SHISA9: variants seen among roughly 807,000 people sequenced by gnomAD.
SHISA9 encodes shisa family member 9.
Under a neutral mutation model 38.0 loss-of-function variants are expected in SHISA9, and 13 were observed. That is an observed-to-expected ratio of 0.34 (90% CI 0.22 to 0.54). SHISA9 has a LOEUF of 0.54. Among genes scored for constraint, SHISA9 ranks in the 20% least tolerant of loss-of-function variants. SHISA9 has a pLI of 0.91. For synonymous variants in SHISA9, 275 were observed against 242.0 expected, an observed-to-expected ratio of 1.14 and a Z score of -1.27; for missense variants, 538 against 575.8, an observed-to-expected ratio of 0.93 and a Z score of 0.67.
intron 2 of SHISA9, among the ~76,000 whole-genome samples, chr16:12,926,679 C>T (rs1362827818): frequency 1.3e-5 from 2 of 152,118 alleles, no homozygotes; most frequent in Non-Finnish European, 2.9e-5. Flanking sequence ...TAAATAGTGC[C>T]TGGTAACATT....
intron 2 of SHISA9, among the ~76,000 whole-genome samples, chr16:13,181,267 TTATATATATATATATATA>T (rs1156705123): frequency 0.033 from 2,666 of 80,028 alleles, 67 homozygotes; most frequent in Middle Eastern, 0.073. Context: ...AAATAAAATT[TTATATATATATATATATA>T]TATATATATA....
At chr16:13,074,853 G>A (rs1295019364) in intron 2 of SHISA9, among the ~76,000 whole-genome samples, 1 of 151,774 alleles carries the variant, frequency 6.6e-6, no homozygotes, top group East Asian at 1.9e-4. Flanking sequence ...TAATAGAGAT[G>A]GGGTTTCACC....
chr16:13,083,170 A>G (rs1198719046), intron 2 of SHISA9, among the ~76,000 whole-genome samples: 4 of 152,162 alleles, frequency 2.6e-5, no homozygotes, highest in African/African-American at 9.7e-5. Flanking sequence ...AGAAGCAGAC[A>G]CTATTTCTCC....
chr16:13,497,548 G>A, the SHISA9 span, among the ~76,000 whole-genome samples: 1 of 152,030 alleles, frequency 6.6e-6, no homozygotes, highest in African/African-American at 2.4e-5. Flanking sequence ...AGCCGGGCAT[G>A]GTGGCGCATG....
At chr16:12,997,499 C>T (rs1241714231) in intron 2 of SHISA9, among the ~76,000 whole-genome samples, 5 of 151,412 alleles carry the variant, frequency 3.3e-5, no homozygotes, top group East Asian at 1.9e-4. Context: ...CTCCATCTCC[C>T]GGGTTCAAGC....
chr16:13,440,730 T>A, the SHISA9 span, among the ~76,000 whole-genome samples: 1 of 152,154 alleles, frequency 6.6e-6, no homozygotes, highest in Admixed American at 6.6e-5. Context: ...GAGACCATCC[T>A]GCCCAACATG....
the SHISA9 span, among the ~76,000 whole-genome samples, chr16:13,263,071 A>T: frequency 6.6e-6 from 1 of 152,160 alleles, no homozygotes; most frequent in Non-Finnish European, 1.5e-5. Flanking sequence ...CTGTGGATTT[A>T]TAATTTGTCT....
chr16:12,936,904 C>A (rs2071541629), intron 2 of SHISA9, among the ~76,000 whole-genome samples: 2 of 152,078 alleles, frequency 1.3e-5, no homozygotes, highest in African/African-American at 2.4e-5. Flanking sequence ...CCATTGACAC[C>A]CTTGACACAC....
intron 4 of SHISA9, among the ~76,000 whole-genome samples, chr16:13,228,216 G>C (rs1480668094): frequency 2.0e-5 from 3 of 152,224 alleles, no homozygotes; most frequent in Non-Finnish European, 2.9e-5. Context: ...CTTGCCCCAA[G>C]TACCAAACAC....
the SHISA9 span, among the ~76,000 whole-genome samples, chr16:13,560,000 A>G: frequency 6.6e-6 from 1 of 152,358 alleles, no homozygotes; most frequent in Middle Eastern, 3.4e-3. Context: ...TCATGTTCCA[A>G]GTAATGAAAA....
intron 2 of SHISA9, among the ~76,000 whole-genome samples, chr16:13,150,937 C>T (rs1273341621): frequency 1.3e-5 from 2 of 152,130 alleles, no homozygotes; most frequent in Non-Finnish European, 2.9e-5. Context: ...CATCTCAAAC[C>T]TCTCCCAAAC....
chr16:13,179,276 C>G (rs1289274524), intron 2 of SHISA9, among the ~76,000 whole-genome samples: 1 of 152,190 alleles, frequency 6.6e-6, no homozygotes, highest in Non-Finnish European at 1.5e-5. Context: ...CACACCACTG[C>G]ACCCCAGCCC....
intron 4 of SHISA9, among the ~76,000 whole-genome samples, chr16:13,214,091 T>A (rs1271939931): frequency 6.6e-6 from 1 of 152,206 alleles, no homozygotes; most frequent in Non-Finnish European, 1.5e-5. Context: ...CACTAGGGTG[T>A]AATGGAAGCA....
intron 2 of SHISA9, among the ~76,000 whole-genome samples, chr16:12,943,681 G>T (rs1412919945): frequency 6.6e-6 from 1 of 152,136 alleles, no homozygotes; most frequent in Non-Finnish European, 1.5e-5. Flanking sequence ...TGTGCTGGAG[G>T]TAGAAAGTTT....
chr16:12,942,429 A>G (rs959467643), intron 2 of SHISA9, among the ~76,000 whole-genome samples: 8 of 152,228 alleles, frequency 5.3e-5, no homozygotes, highest in African/African-American at 1.7e-4. Context: ...CCAACTGCAC[A>G]GAATCAAGTT....
the SHISA9 span, among the ~76,000 whole-genome samples, chr16:13,462,672 A>G: frequency 6.6e-6 from 1 of 152,064 alleles, no homozygotes; most frequent in African/African-American, 2.4e-5. Flanking sequence ...TAAAAATATA[A>G]AAAAGTTGGG....
chr16:13,269,541 C>A, the SHISA9 span, among the ~76,000 whole-genome samples: 1 of 152,216 alleles, frequency 6.6e-6, no homozygotes, highest in Non-Finnish European at 1.5e-5. Flanking sequence ...GCCAAGCAGG[C>A]TCTTCTGCTG....
At chr16:13,010,367 A>T (rs1467425776) in intron 2 of SHISA9, among the ~76,000 whole-genome samples, 2 of 152,212 alleles carry the variant, frequency 1.3e-5, no homozygotes, top group Non-Finnish European at 2.9e-5. Context: ...AGACAATAGG[A>T]TATTGTACTT....
At chr16:13,446,573 G>T in the SHISA9 span, among the ~76,000 whole-genome samples, 1 of 152,110 alleles carries the variant, frequency 6.6e-6, no homozygotes. Flanking sequence ...TGAGCTGGGG[G>T]TTAGAAGGAT....
Sources: gnomAD v4.1 joint callset for allele counts (sites outside exome capture counted in the v4.1 genomes callset) on GRCh38, gnomAD v4.1.1 for gene constraint, MANE v1.5 for transcripts, NCBI Gene and HGNC (gene_info 2026-07-23, HGNC 2026-07-21) for gene names.